NINL: variants seen among roughly 807,000 people sequenced by gnomAD.
The protein encoded by NINL is ninein like.
A neutral mutation model predicts 160.3 loss-of-function variants in NINL; 153 were observed. The ratio of observed to expected loss-of-function variants is 0.95; its 90% CI spans 0.84 to 1.09. NINL has a LOEUF of 1.09. Among genes scored for constraint, NINL ranks in the 50% least tolerant of loss-of-function variants. NINL has a pLI of 0.00. For synonymous variants in NINL, 800 were observed against 734.8 expected (o/e 1.09, Z -1.43); for missense variants, 1,829 against 1,764.0 (o/e 1.04, Z -0.66).
rs550558787 is a variant in NINL, at chr20:25,467,770, C to T, written c.3354-312G>A. 5.2e-4 allele frequency among the ~76,000 whole-genome samples: 79 copies of T among 152,314 alleles called. 1 individual carries two copies. The highest frequency in any genetic ancestry group is 1.9e-3 in the African/African-American group (78 of 41,562). The stretch of plus-strand genomic sequence containing the variant: ...AACGCACACCCTGCATGACATTCCT[C>T]AATCAAATACATGAATATTTCTTTT... On this transcript the variant is annotated intron_variant, in intron 18 of 23. Transcript: ENST00000278886.
intron 1 of NINL, among the ~76,000 whole-genome samples, chr20:25,545,563 G>T (rs557497978): frequency 1.3e-5 from 2 of 152,068 alleles, no homozygotes; most frequent in African/African-American, 2.4e-5. Flanking sequence ...ATGACAGGAT[G>T]GGGGGTTGGA....
intron 21 of NINL, among the ~76,000 whole-genome samples, chr20:25,461,082 C>T (rs987435960): frequency 2.0e-5 from 3 of 152,222 alleles, no homozygotes; most frequent in Non-Finnish European, 2.9e-5. Context: ...CCTGTGTCTG[C>T]ACCTCCCGCG....
chr20:25,504,068 C>G lies in NINL; in HGVS notation c.745G>C (p.Gly249Arg). 1.3e-6 allele frequency: 2 copies of G among 1,599,266 alleles called. No homozygotes were observed. Among genetic ancestry groups the G allele is most frequent in the Middle Eastern group, 1.7e-4 (1 of 5,888 alleles). ...TCCTCAAGACTCACTTTGCCGTCTC[C>G]GTCTTGATCCAGTTTGTTAAACAGG... is the stretch of plus-strand genomic sequence containing the variant. ...EDLFNKLDQD[G>R]DGKVSLEEFQ... The change falls in exon 7 of 24, where the codon GGA becomes CGA. Residue 249 changes from glycine (G) to arginine (R), a missense_variant. Physicochemically the swap from Gly to Arg is moderately radical, Grantham distance 125 (BLOSUM62 -2). Coordinates refer to ENST00000278886, the MANE Select transcript of NINL (RefSeq NM_025176.6).
chr20:25,486,011 T>C (rs550333339), intron 13 of NINL, among the ~76,000 whole-genome samples: 278 of 152,342 alleles, frequency 1.8e-3, no homozygotes, highest in Middle Eastern at 6.8e-3. Flanking sequence ...TTCCTTTGGA[T>C]TGAGGCTGTG....
intron 14 of NINL, 67 bp from the exon 15 acceptor site, chr20:25,480,334 C>T: frequency 1.6e-6 from 2 of 1,253,352 alleles, no homozygotes; most frequent in Non-Finnish European, 2.3e-6. Context: ...CCAAACCTTC[C>T]AATCTGATAT....
intron 1 of NINL, among the ~76,000 whole-genome samples, chr20:25,572,914 C>A (rs573697736): frequency 6.6e-6 from 1 of 152,180 alleles, no homozygotes. Flanking sequence ...ACGTCCCGGT[C>A]CATTCTATCC....
chr20:25,461,559 G>T lies in NINL; in HGVS notation c.3659C>A (p.Ser1220Ter). ...QEHQSLQLPWSELTQTLEESQ... is the reference protein window; with the variant it reads ...QEHQSLQLPW ...TTCCTCAAGGGTCTGGGTCAGCTCT[G>T]ACCATGGCAGCTGCAGGCTCTGATG... is the stretch of plus-strand genomic sequence containing the variant. Residue 1220 changes from serine (S) to a stop codon, truncating the protein, a stop_gained, in exon 21 of 24, where the codon TCA becomes TAA. Coordinates refer to ENST00000278886, the MANE Select transcript of NINL (RefSeq NM_025176.6). LOFTEE classifies it high-confidence loss of function. The T allele has an allele frequency of 6.2e-7, 1 of 1,604,240 alleles. No individual in the cohort carries two copies. The highest frequency in any genetic ancestry group is 1.1e-5 in the South Asian group (1 of 89,108).
chr20:25,529,948 A>T (rs945598643), intron 1 of NINL, among the ~76,000 whole-genome samples: 1 of 152,254 alleles, frequency 6.6e-6, no homozygotes, highest in African/African-American at 2.4e-5. Flanking sequence ...GAAGGACCCC[A>T]GGCAAAGGGG....
At chr20:25,575,516 G>A (rs1013781863) in intron 1 of NINL, among the ~76,000 whole-genome samples, 2 of 150,996 alleles carry the variant, frequency 1.3e-5, no homozygotes, top group Non-Finnish European at 2.9e-5. Context: ...ACTTTGGGAG[G>A]GCAAGGTGGA....
intron 1 of NINL, among the ~76,000 whole-genome samples, chr20:25,532,420 G>A (rs1363343613): frequency 6.6e-6 from 1 of 152,236 alleles, no homozygotes; most frequent in East Asian, 1.9e-4. Flanking sequence ...CCCTGTCTTT[G>A]CAGGCTCATG....
At chr20:25,458,780 T>C (rs1197361346) in intron 21 of NINL, 2 of 496,274 alleles carry the variant, frequency 4.0e-6, no homozygotes, top group Non-Finnish European at 7.1e-6. Context: ...ATGGTGACGC[T>C]GACCTCCTGT....
At chr20:25,526,301 T>C (rs1230414952) in intron 2 of NINL, 107 bp downstream of exon 2, 2 of 1,034,778 alleles carry the variant, frequency 1.9e-6, no homozygotes, top group Admixed American at 2.3e-5. Flanking sequence ...TGCTAATAAC[T>C]TTCCTTTGAC....
chr20:25,477,062 T>G lies in NINL; in HGVS notation c.2229A>C (p.Gly743=). The change falls in exon 17 of 24, where the codon GGA becomes GGC. Residue 743 remains glycine (G), a synonymous_variant. Transcript: ENST00000278886. The stretch of plus-strand genomic sequence containing the variant: ...GCAGGGCTCCCAGCCCCGACAGCTC[T>G]CCACTCAGCTCCGCCTCAGCCTCTC... The part of the protein sequence containing the change: ...IRREAEAELS[G]ELSGLGALPA... 1.3e-6 allele frequency: 2 copies of G among 1,597,192 alleles called. No homozygotes were observed. Among genetic ancestry groups the G allele is most frequent in the South Asian group, 1.1e-5 (1 of 90,600 alleles).
At chr20:25,547,766 T>A (rs759572363) in intron 1 of NINL, among the ~76,000 whole-genome samples, 1 of 152,148 alleles carries the variant, frequency 6.6e-6, no homozygotes, top group Non-Finnish European at 1.5e-5. Context: ...GGCTTCAACA[T>A]CCGAATTCTG....
chr20:25,487,830 A>G (rs1403774361), intron 13 of NINL, among the ~76,000 whole-genome samples: 1 of 152,212 alleles, frequency 6.6e-6, no homozygotes, highest in Non-Finnish European at 1.5e-5. Context: ...GGGTGAGACC[A>G]TGGGGAGCTG....
chr20:25,503,756 T>C (rs751483700), intron 7 of NINL, among the ~76,000 whole-genome samples, 196 bp downstream of exon 7: 2 of 152,206 alleles, frequency 1.3e-5, no homozygotes, highest in Non-Finnish European at 2.9e-5. Context: ...AGAGCAACAC[T>C]GGACCCACCC....
Position 25,548,169 on chromosome 20 carries a change from G to T in NINL, c.-11-21571C>A, listed in dbSNP as rs562299566. ...ACACAAGCCGGTCCAGTGCAGCTTG[G>T]TCGGGGGGGTTCTGCTGCACTCCTG... On this transcript the variant is annotated intron_variant, in intron 1 of 23. Coordinates refer to ENST00000278886, the MANE Select transcript of NINL (RefSeq NM_025176.6). Among the ~76,000 whole-genome samples, 393 of 152,292 alleles carry T rather than the reference G, an allele frequency of 2.6e-3. 3 individuals are homozygous for T. Among genetic ancestry groups the T allele is most frequent in the African/African-American group, 9.0e-3 (376 of 41,574 alleles).
chr20:25,458,373 C>A lies in NINL; in HGVS notation c.3843+10G>T. Reference sequence around the variant, plus strand: ...TCTCGTCAGCCATCTCTCGCTGCATCCCCACTTACCCGCTGTGCATCCAGG... The same window carrying A: ...TCTCGTCAGCCATCTCTCGCTGCATACCCACTTACCCGCTGTGCATCCAGG... On this transcript the variant is annotated intron_variant, in intron 22 of 23. Transcript: ENST00000278886. The A allele has an allele frequency of 1.2e-6, 2 of 1,605,530 alleles. No individual in the cohort carries two copies. Among genetic ancestry groups the A allele is most frequent in the Non-Finnish European group, 1.7e-6 (2 of 1,179,958 alleles).
rs2064185261 is a variant in NINL, at chr20:25,517,674, G to T, written c.277+79C>A. 5 of 1,109,464 alleles carry T rather than the reference G, an allele frequency of 4.5e-6. No individual in the cohort carries two copies. In the South Asian group the frequency reaches 4.7e-5, roughly 10 times the overall value. The allele number at this position is 1,109,464 out of a possible 1,614,324, so 68.7% of individuals were successfully genotyped here. The stretch of plus-strand genomic sequence containing the variant: ...GTAGAATTCAGTTTTCAGAACTGCT[G>T]GATTCTTTCATTAGAATATTACACT... On this transcript the variant is annotated intron_variant, in intron 3 of 23. Transcript: ENST00000278886.
Sources: allele counts gnomAD v4.1 joint callset (sites outside exome capture counted in the v4.1 genomes callset), GRCh38; gene constraint gnomAD v4.1.1; transcripts MANE v1.5; gene names NCBI Gene and HGNC (gene_info 2026-07-23, HGNC 2026-07-21).